Variants in EYA4 observed in about 807,000 individuals in gnomAD.
EYA4 encodes the protein EYA transcriptional coactivator and phosphatase 4, also known as protein phosphatase EYA4.
In EYA4, 31 loss-of-function variants were observed where a neutral mutation model predicts 87.9. The ratio of observed to expected loss-of-function variants is 0.35; its 90% CI spans 0.27 to 0.48. The LOEUF (loss-of-function observed/expected upper bound fraction) is 0.48, where lower values mean the gene tolerates loss of function less well. Ranked by LOEUF, EYA4 falls within the 20% of genes least tolerant of loss-of-function variation. The probability of loss-of-function intolerance (pLI) is 0.99; values close to 1 mark genes in which losing one functional copy is unlikely to be tolerated. For synonymous variants in EYA4, 263 were observed against 270.6 expected, an observed-to-expected ratio of 0.97 and a Z score of 0.28; for missense variants, 678 against 761.4, an observed-to-expected ratio of 0.89 and a Z score of 1.29.
chr6:133,475,307 G>A (rs1490457303), intron 11 of EYA4, among the ~76,000 whole-genome samples: 1 of 151,920 alleles, frequency 6.6e-6, no homozygotes, highest in Non-Finnish European at 1.5e-5. Flanking sequence ...GGACAGATTT[G>A]CACATGAAGA....
chr6:133,384,793 A>G (rs1786553377), intron 3 of EYA4, among the ~76,000 whole-genome samples: 1 of 152,160 alleles, frequency 6.6e-6, no homozygotes, highest in Non-Finnish European at 1.5e-5. Flanking sequence ...CACCAAGGAG[A>G]GAATAAAAAT....
At chr6:133,305,887 A>G (rs1158006783) in intron 2 of EYA4, among the ~76,000 whole-genome samples, 1 of 152,218 alleles carries the variant, frequency 6.6e-6, no homozygotes, top group Non-Finnish European at 1.5e-5. Flanking sequence ...AGAATAAAAT[A>G]TGTAAGGAAA....
chr6:133,383,619 C>G lies in EYA4; in HGVS notation c.83+1178C>G, dbSNP rs140111801. ...TATAGTCCACTTATAGTTTGAGTAA[C>G]TCTTGTTTTGTTGTATGCAGTATGA... On this transcript the variant is annotated intron_variant, in intron 3 of 19. Coordinates refer to ENST00000355286, the MANE Select transcript of EYA4 (RefSeq NM_004100.5). Among the ~76,000 whole-genome samples, 13 of 144,444 alleles carry G rather than the reference C, an allele frequency of 9.0e-5. No homozygotes were observed. In the East Asian group the frequency reaches 2.6e-3, roughly 29 times the overall value. 94.8% of individuals were successfully genotyped at this position (144,444 alleles called of 152,430 possible).
intron 2 of EYA4, among the ~76,000 whole-genome samples, chr6:133,296,352 A>C (rs1778943602): frequency 6.6e-6 from 1 of 152,208 alleles, no homozygotes; most frequent in South Asian, 2.1e-4. Context: ...GGCTTTGGGC[A>C]AATGTCTGAC....
At chr6:133,408,480 C>A (rs1222202515) in intron 3 of EYA4, among the ~76,000 whole-genome samples, 1 of 151,754 alleles carries the variant, frequency 6.6e-6, no homozygotes, top group Non-Finnish European at 1.5e-5. Flanking sequence ...TCAGCAAGTT[C>A]AGTTTTGGAA....
intron 19 of EYA4, among the ~76,000 whole-genome samples, chr6:133,528,451 A>G (rs1450365681): frequency 6.6e-6 from 1 of 152,196 alleles, no homozygotes; most frequent in Non-Finnish European, 1.5e-5. Flanking sequence ...TACTTCCAGA[A>G]TAAATATTAA....
rs1376374401 is a variant in EYA4 at position 133,528,842 on chromosome 6, C to T, written c.*37C>T. The T allele has an allele frequency of 1.8e-5, 29 of 1,611,794 alleles. No individual in the cohort carries two copies. In the Middle Eastern group the frequency reaches 6.6e-4, roughly 37 times the overall value. Reference sequence around the variant, plus strand: ...AGCCGGAGATCCATTTTTTATATTTCAAGTACACTGAATTTTTATGTGTGA... The same window carrying T: ...AGCCGGAGATCCATTTTTTATATTTTAAGTACACTGAATTTTTATGTGTGA... On this transcript the variant is annotated 3_prime_UTR_variant, in exon 20 of 20. Coordinates refer to ENST00000355286, the MANE Select transcript of EYA4 (RefSeq NM_004100.5).
chr6:133,470,967 C>A (rs2128682129), intron 11 of EYA4, among the ~76,000 whole-genome samples: 1 of 86,746 alleles, frequency 1.2e-5, no homozygotes, highest in East Asian at 4.3e-4. Flanking sequence ...GCTGAAGTTG[C>A]TTATCAGCTT....
At chr6:133,468,888 G>GAAAT in intron 11 of EYA4, 157 bp downstream of exon 11, 1 of 758,438 alleles carries the variant, frequency 1.3e-6, no homozygotes, top group Non-Finnish European at 2.3e-6. Context: ...AGGCTCTTCT[G>GAAAT]GCATTTCAGA....
At chr6:133,338,880 A>C (rs1782577936) in intron 2 of EYA4, among the ~76,000 whole-genome samples, 1 of 152,018 alleles carries the variant, frequency 6.6e-6, no homozygotes, top group African/African-American at 2.4e-5. Flanking sequence ...AGAAATGGGC[A>C]GATGGATTAT....
At chr6:133,244,426 A>T (rs1582724467) in intron 1 of EYA4, among the ~76,000 whole-genome samples, 2 of 152,180 alleles carry the variant, frequency 1.3e-5, no homozygotes, top group East Asian at 3.9e-4. Context: ...AAATCTTAAG[A>T]TTTGTATAAA....
intron 10 of EYA4, 151 bp from the exon 11 acceptor site, chr6:133,468,415 C>G: frequency 7.0e-6 from 5 of 711,398 alleles, no homozygotes; most frequent in Non-Finnish European, 1.3e-5. Context: ...ACAAAGTAGT[C>G]TCTGCTCATT....
chr6:133,394,495 G>C lies in EYA4; in HGVS notation c.83+12054G>C, dbSNP rs556835204. ...GCTTTAGTTATAATTAATTTCCAAGGCTCCACAGACTTGATGGCAAACTCA... is the reference window on the plus strand; with the variant it reads ...GCTTTAGTTATAATTAATTTCCAAGCCTCCACAGACTTGATGGCAAACTCA... On this transcript the variant is annotated intron_variant, in intron 3 of 19. Coordinates refer to ENST00000355286, the MANE Select transcript of EYA4 (RefSeq NM_004100.5). Among the ~76,000 whole-genome samples the C allele has an allele frequency of 6.0e-5, 9 of 151,018 alleles. No homozygotes were observed. In the South Asian group the frequency reaches 1.0e-3, roughly 17 times the overall value.
chr6:133,425,156 C>G (rs1053481356), intron 3 of EYA4, among the ~76,000 whole-genome samples: 4 of 150,722 alleles, frequency 2.7e-5, no homozygotes, highest in African/African-American at 1.0e-4. Context: ...ACCACTTAAT[C>G]TTTCACAGAA....
chr6:133,468,963 A>T (rs1795091420), intron 11 of EYA4, among the ~76,000 whole-genome samples: 1 of 152,086 alleles, frequency 6.6e-6, no homozygotes, highest in African/African-American at 2.4e-5. Flanking sequence ...TGTACATATG[A>T]ATATGGAGCT....
At chr6:133,428,223 G>A (rs1395238481) in intron 3 of EYA4, among the ~76,000 whole-genome samples, 1 of 152,096 alleles carries the variant, frequency 6.6e-6, no homozygotes, top group Non-Finnish European at 1.5e-5. Flanking sequence ...AGAGATATGA[G>A]GGCTGAGGAG....
At chr6:133,408,066 A>G (rs1291270331) in intron 3 of EYA4, among the ~76,000 whole-genome samples, 1 of 152,198 alleles carries the variant, frequency 6.6e-6, no homozygotes, top group East Asian at 1.9e-4. Context: ...ACATATCTTT[A>G]TAGAGTTTTA....
chr6:133,504,354 C>T (rs564766930), intron 13 of EYA4, among the ~76,000 whole-genome samples: 5 of 152,270 alleles, frequency 3.3e-5, no homozygotes, highest in African/African-American at 9.6e-5. Flanking sequence ...GTCAAGCTAC[C>T]GGATGACATA....
In EYA4 at chr6:133,416,868, G is replaced by A. The variant is rs114565914; in HGVS notation, c.84-29762G>A. 5.4e-3 allele frequency among the ~76,000 whole-genome samples: 816 copies of A among 152,268 alleles called. 5 individuals carry two copies. The highest frequency in any genetic ancestry group is 0.018 in the African/African-American group (730 of 41,548). On this transcript the variant is annotated intron_variant, in intron 3 of 19. Transcript: ENST00000355286. ...CACCATCTCCCTATAGCGTTCAAAC[G>A]GAATGTTCTAGAAATGAGTGGAGTT...
Sources: gnomAD v4.1 joint callset for allele counts (sites outside exome capture counted in the v4.1 genomes callset) on GRCh38, gnomAD v4.1.1 for gene constraint, MANE v1.5 for transcripts, NCBI Gene and HGNC (gene_info 2026-07-23, HGNC 2026-07-21) for gene names.